The following GABRA2 variants were observed in gnomAD, a reference collection of about 807,000 sequenced individuals.
The protein encoded by GABRA2 is gamma-aminobutyric acid type A receptor subunit alpha2, also known as gamma-aminobutyric acid receptor subunit alpha-2.
A neutral mutation model predicts 48.7 loss-of-function variants in GABRA2; 16 were observed. That is an observed-to-expected ratio of 0.33 (90% confidence interval 0.22 to 0.50). The LOEUF (loss-of-function observed/expected upper bound fraction) is 0.50, where lower values mean the gene tolerates loss of function less well. Among genes scored for constraint, GABRA2 ranks in the 20% least tolerant of loss-of-function variants. GABRA2 has a pLI of 0.98. For missense variants in GABRA2, 275 were observed against 535.6 expected (o/e 0.51, Z 4.80); for synonymous variants, 185 against 184.5 (o/e 1.00, Z -0.02).
At chr4:46,317,789 CA>C (rs534689270) in intron 4 of GABRA2, among the ~76,000 whole-genome samples, 10 of 150,378 alleles carry the variant, frequency 6.6e-5, no homozygotes, top group East Asian at 3.9e-4. Context: ...AAAAAAAATT[CA>C]AAAAAAAATT....
rs923668554 is a variant in GABRA2, at chr4:46,248,978, A to C, written c.*1330T>G. The C allele has an allele frequency of 6.6e-6, 1 of 150,750 alleles. No individual in the cohort carries two copies. Among genetic ancestry groups the C allele is most frequent in the East Asian group, 2.0e-4 (1 of 5,084 alleles). The allele number at this position is 150,750 out of a possible 1,614,324, so 9.3% of individuals were successfully genotyped here. ...ATTAAAAGAAAAATGAATTTTACCC[A>C]TTAATAACTAGTAATTATATAAAAT... is the stretch of plus-strand genomic sequence containing the variant. On this transcript the variant is annotated 3_prime_UTR_variant, in exon 10 of 10. Coordinates refer to ENST00000381620, the MANE Select transcript of GABRA2 (RefSeq NM_000807.4).
chr4:46,324,462 G>T (rs1015250440), intron 4 of GABRA2, among the ~76,000 whole-genome samples: 1 of 151,882 alleles, frequency 6.6e-6, no homozygotes, highest in Non-Finnish European at 1.5e-5. Context: ...CCCAAAGACA[G>T]CCTCAAAACT....
chr4:46,305,506 C>A, intron 7 of GABRA2, 62 bp downstream of exon 7: 1 of 1,478,616 alleles, frequency 6.8e-7, no homozygotes, highest in South Asian at 1.2e-5. Flanking sequence ...GACACACTTC[C>A]AAGTCCTTTA....
chr4:46,301,407 A>C (rs544248012), intron 8 of GABRA2, among the ~76,000 whole-genome samples: 12 of 152,188 alleles, frequency 7.9e-5, no homozygotes, highest in African/African-American at 2.9e-4. Flanking sequence ...GGTCCAAAAC[A>C]CCATAGTGAC....
chr4:46,285,559 A>C (rs921982167), intron 8 of GABRA2, among the ~76,000 whole-genome samples: 4 of 152,036 alleles, frequency 2.6e-5, no homozygotes, highest in African/African-American at 9.7e-5. Flanking sequence ...TATTTACCTC[A>C]ATGCAGTATT....
intron 8 of GABRA2, chr4:46,303,222 C>A: frequency 2.2e-6 from 1 of 459,556 alleles, no homozygotes; most frequent in African/African-American, 2.0e-5. Context: ...TATGATTTAA[C>A]AGAAAGAAGA....
intron 8 of GABRA2, among the ~76,000 whole-genome samples, chr4:46,289,779 T>C (rs1202426777): frequency 6.6e-6 from 1 of 152,302 alleles, no homozygotes; most frequent in South Asian, 2.1e-4. Flanking sequence ...TTCTATTCCA[T>C]TGATCTATGT....
At position 46,386,152 on chromosome 4, in the gene GABRA2, T is replaced by C. The variant is rs1265334120; in HGVS notation, c.109A>G (p.Asn37Asp). 3.1e-6 allele frequency: 5 copies of C among 1,611,134 alleles called. No homozygotes were observed. The highest frequency in any genetic ancestry group is 1.7e-5 in the Admixed American group (1 of 59,416). ...LANIQEDEAK[N>D]NITIFTRILD... is the part of the protein sequence containing the mutation. ...ATTCTCGTAAAGATGGTAATGTTAT[T>C]TTTAGCCTCATCTTCTTGGATGTTA... Residue 37 changes from asparagine (N) to aspartate (D), a missense_variant, in exon 3 of 10, where the codon AAT (asparagine) becomes GAT (aspartate). Asn to Asp is a conservative substitution (Grantham distance 23). Around this residue, in one of 4 missense-constraint regions of GABRA2, gnomAD observed 39 missense variants for 40.5 expected, o/e 0.96. Coordinates refer to ENST00000381620, the MANE Select transcript of GABRA2 (RefSeq NM_000807.4).
intron 9 of GABRA2, among the ~76,000 whole-genome samples, chr4:46,251,101 T>C (rs1050519793): frequency 2.0e-5 from 3 of 151,540 alleles, no homozygotes; most frequent in Admixed American, 1.3e-4. Flanking sequence ...CTTATGAAGA[T>C]GGCAGTGCAA....
chr4:46,301,169 G>A (rs1725669993), intron 8 of GABRA2, among the ~76,000 whole-genome samples: 1 of 152,000 alleles, frequency 6.6e-6, no homozygotes. Flanking sequence ...TAATAAAGAA[G>A]GTGGGAAAAA....
chr4:46,312,747 T>C, intron 4 of GABRA2, 31 bp from the exon 5 acceptor site: 1 of 1,165,328 alleles, frequency 8.6e-7, no homozygotes, highest in Non-Finnish European at 1.2e-6. Flanking sequence ...TTTTTGAAAA[T>C]AGTAAATGTT....
At chr4:46,328,284 GTGTGTGTGTGTGCGCACACGCA>G (rs1389319719) in intron 4 of GABRA2, among the ~76,000 whole-genome samples, 60 of 121,492 alleles carry the variant, frequency 4.9e-4, no homozygotes, top group Middle Eastern at 3.9e-3. Flanking sequence ...GTGTGTGTGT[GTGTGTGTGTGTGCGCACACGCA>G]TGTGTGTGTG....
chr4:46,337,811 T>G (rs1732518225), intron 3 of GABRA2, among the ~76,000 whole-genome samples: 1 of 151,662 alleles, frequency 6.6e-6, no homozygotes, highest in African/African-American at 2.4e-5. Flanking sequence ...TATAAAGACA[T>G]AAAACAAATG....
In GABRA2 at chr4:46,271,941, TTTTC is replaced by T. The variant is rs1190420624; in HGVS notation, c.857-9817_857-9814del. Among the ~76,000 whole-genome samples the T allele has an allele frequency of 5.8e-4, 88 of 152,054 alleles. No homozygotes were observed. In the East Asian group the frequency reaches 0.016, roughly 28 times the overall value. On this transcript the variant is annotated intron_variant, in intron 8 of 9. Coordinates refer to ENST00000381620, the MANE Select transcript of GABRA2 (RefSeq NM_000807.4). ...CATGCTGTTTACTCTACCTGGAGTCTTTTCACTGTCCCTTGTTTACCTGTTTTTT... is the reference window on the plus strand; with the variant it reads ...CATGCTGTTTACTCTACCTGGAGTCTACTGTCCCTTGTTTACCTGTTTTTT...
intron 8 of GABRA2, among the ~76,000 whole-genome samples, chr4:46,294,311 G>A (rs1166784666): frequency 6.6e-6 from 1 of 152,118 alleles, no homozygotes; most frequent in Non-Finnish European, 1.5e-5. Context: ...AAAATTCAGG[G>A]CACTTCTACC....
At chr4:46,258,973 G>A (rs1051607746) in intron 9 of GABRA2, among the ~76,000 whole-genome samples, 1 of 151,796 alleles carries the variant, frequency 6.6e-6, no homozygotes, top group Admixed American at 6.6e-5. Context: ...CAGAAAAGAG[G>A]GGAGAAGCTG....
chr4:46,321,335 A>G (rs894043969), intron 4 of GABRA2, among the ~76,000 whole-genome samples: 2 of 151,968 alleles, frequency 1.3e-5, no homozygotes, highest in African/African-American at 4.8e-5. Flanking sequence ...AACGACTATA[A>G]TTATTGTATA....
At chr4:46,266,171 G>A (rs183750494) in intron 8 of GABRA2, among the ~76,000 whole-genome samples, 175 of 151,208 alleles carry the variant, frequency 1.2e-3, no homozygotes, top group African/African-American at 3.6e-3. Flanking sequence ...TCTAGTTGGC[G>A]TATTCTCTAT....
chr4:46,249,028 CTGTGTA>C lies in GABRA2; in HGVS notation c.*1274_*1279del, dbSNP rs1166706449. On this transcript the variant is annotated 3_prime_UTR_variant, in exon 10 of 10. Transcript: ENST00000381620. The stretch of plus-strand genomic sequence containing the variant: ...TTTAAAATTGTGTTTTCTAATTTAG[CTGTGTA>C]TGTGTGTGTGTGTGTGTGTGTGTGT... 4.2e-5 allele frequency: 2 copies of C among 48,004 alleles called. No homozygotes were observed. The highest frequency in any genetic ancestry group is 1.8e-4 in the Admixed American group (1 of 5,430). The allele number at this position is 48,004 out of a possible 1,614,324, so 3.0% of individuals were successfully genotyped here.
Sources: gnomAD v4.1 joint callset for allele counts (sites outside exome capture counted in the v4.1 genomes callset) on GRCh38, gnomAD v4.1.1 for gene constraint, gnomAD v4.1.1 regional missense constraint, MANE v1.5 for transcripts, NCBI Gene and HGNC (gene_info 2026-07-23, HGNC 2026-07-21) for gene names.